The following COPS8 variants were observed in gnomAD, a reference collection of about 807,000 sequenced individuals.
The protein encoded by COPS8 is COP9 signalosome complex subunit 8.
COPS8 carries 11 observed loss-of-function variants against 31.5 expected under a neutral mutation model. The ratio of observed to expected loss-of-function variants is 0.35; its 90% CI spans 0.22 to 0.58. The LOEUF (loss-of-function observed/expected upper bound fraction) is 0.58. COPS8 is among the 20% of genes least tolerant of loss of function. The pLI is 0.83. For synonymous variants in COPS8, 81 were observed against 89.3 expected (o/e 0.91, Z 0.52); for missense variants, 215 against 255.1 (o/e 0.84, Z 1.07).
intron 1 of COPS8, 41 bp downstream of exon 1, chr2:237,086,083 C>T (rs1382932913): frequency 1.3e-6 from 2 of 1,565,956 alleles, no homozygotes; most frequent in African/African-American, 1.4e-5. Flanking sequence ...GCGGAGTAGT[C>T]TTAGGCCCTG....
chr2:237,086,735 G>C (rs957620610), intron 1 of COPS8: 2 of 965,460 alleles, frequency 2.1e-6, no homozygotes, highest in Non-Finnish European at 2.5e-6. Context: ...TATTCAGGAC[G>C]CTTGATGTAA....
At chr2:237,093,030 A>G (rs1275951967) in intron 4 of COPS8, among the ~76,000 whole-genome samples, 2 of 152,200 alleles carry the variant, frequency 1.3e-5, no homozygotes, top group Non-Finnish European at 2.9e-5. Context: ...GTTGCTTGTT[A>G]AAGTAGAAGT....
intron 2 of COPS8, among the ~76,000 whole-genome samples, chr2:237,088,240 C>T (rs1231544174): frequency 2.0e-5 from 3 of 152,140 alleles, no homozygotes; most frequent in African/African-American, 4.8e-5. Flanking sequence ...GGCTTATTGT[C>T]AGGGAATGCT....
intron 3 of COPS8, 60 bp downstream of exon 3, chr2:237,088,713 A>C (rs1478535621): frequency 7.4e-6 from 8 of 1,077,112 alleles, no homozygotes; most frequent in South Asian, 1.4e-5. Context: ...TTAAATGGCA[A>C]CCTTTTATAA....
At chr2:237,092,614 A>G (rs879518915) in intron 4 of COPS8, among the ~76,000 whole-genome samples, 1 of 152,044 alleles carries the variant, frequency 6.6e-6, no homozygotes, top group Non-Finnish European at 1.5e-5. Context: ...TTTCCATTGA[A>G]TGTATGCAGC....
At chr2:237,087,221 A>G (rs1696633873) in intron 2 of COPS8, 24 bp downstream of exon 2, 1 of 1,539,042 alleles carries the variant, frequency 6.5e-7, no homozygotes, top group South Asian at 1.2e-5. Context: ...ACCTAAAGCT[A>G]AGAGCAACAG....
intron 2 of COPS8, chr2:237,087,522 GA>G: frequency 6.3e-6 from 2 of 316,816 alleles, no homozygotes; most frequent in Non-Finnish European, 1.3e-5. Flanking sequence ...CAAAAGAAGT[GA>G]AAAGAGAAGA....
intron 1 of COPS8, chr2:237,086,681 A>C (rs1020743169): frequency 4.6e-6 from 2 of 435,282 alleles, no homozygotes; most frequent in Non-Finnish European, 6.1e-6. Flanking sequence ...GTTAAAATGG[A>C]AAGAATTGTC....
chr2:237,086,842 A>T (rs887503963), intron 1 of COPS8: 1 of 477,448 alleles, frequency 2.1e-6, no homozygotes, highest in Admixed American at 5.1e-5. Context: ...AAGGGGATCC[A>T]CTTACATATT....
At position 237,096,887 on chromosome 2, in the gene COPS8, C is replaced by T; in HGVS notation, c.550+18C>T. 3.8e-6 allele frequency: 6 copies of T among 1,567,166 alleles called. No individual in the cohort carries two copies. Among genetic ancestry groups the T allele is most frequent in the Non-Finnish European group, 5.3e-6 (6 of 1,141,574 alleles). Reference sequence around the variant, plus strand: ...CTTATCAGGTATGTATTTTCATATGCACATTTTTTAATGTCTCATTGTTCC... The same window carrying T: ...CTTATCAGGTATGTATTTTCATATGTACATTTTTTAATGTCTCATTGTTCC... On this transcript the variant is annotated intron_variant, in intron 7 of 7. Coordinates refer to ENST00000354371, the MANE Select transcript of COPS8 (RefSeq NM_006710.5).
At chr2:237,088,828 G>T (rs910903830) in intron 3 of COPS8, among the ~76,000 whole-genome samples, 175 bp downstream of exon 3, 1 of 152,142 alleles carries the variant, frequency 6.6e-6, no homozygotes, top group African/African-American at 2.4e-5. Context: ...ATTTTGCTGG[G>T]ATGGTGTAGA....
intron 4 of COPS8, chr2:237,093,840 A>T: frequency 8.8e-7 from 1 of 1,134,520 alleles, no homozygotes; most frequent in Non-Finnish European, 1.1e-6. Flanking sequence ...ACCTTTTTCC[A>T]TCTTTGTAAT....
At chr2:237,087,640 C>G (rs1286670273) in intron 2 of COPS8, 1 of 227,680 alleles carries the variant, frequency 4.4e-6, no homozygotes, top group South Asian at 5.1e-5. Context: ...GAAAGCATAA[C>G]TACTCTAGGC....
rs1398124954 is a variant in COPS8, at chr2:237,098,912, A to G, written c.*1170A>G. 6.6e-6 allele frequency: 1 copy of G among 152,146 alleles called. No individual in the cohort carries two copies. 9.4% of individuals were successfully genotyped at this position (152,146 alleles called of 1,614,324 possible). A position where few individuals can be genotyped will look rare whatever the true frequency, so the allele number is the denominator to read the frequency against. On this transcript the variant is annotated 3_prime_UTR_variant, in exon 8 of 8. Transcript: ENST00000354371. ...GGAATACTTTTTGAATTGCAATTTTATTTAACCCGGATAGGTAAGTCATAT... is the reference window on the plus strand; with the variant it reads ...GGAATACTTTTTGAATTGCAATTTTGTTTAACCCGGATAGGTAAGTCATAT...
intron 2 of COPS8, chr2:237,087,652 G>A (rs541585208): frequency 1.1e-3 from 227 of 209,802 alleles, no homozygotes; most frequent in Non-Finnish European, 1.3e-3. Context: ...ACTCTAGGCC[G>A]GGCGCCGTGG....
intron 2 of COPS8, among the ~76,000 whole-genome samples, chr2:237,087,821 A>G (rs954459030): frequency 6.6e-6 from 1 of 152,060 alleles, no homozygotes; most frequent in Non-Finnish European, 1.5e-5. Flanking sequence ...AATCCCAGCT[A>G]CCTGGGAGGC....
At chr2:237,093,631 T>G in intron 4 of COPS8, 1 of 927,942 alleles carries the variant, frequency 1.1e-6, no homozygotes, top group Non-Finnish European at 1.3e-6. Flanking sequence ...GGAAGAATGC[T>G]CCAGTTACAA....
At chr2:237,093,759 A>G in intron 4 of COPS8, 2 of 999,166 alleles carry the variant, frequency 2.0e-6, no homozygotes, top group South Asian at 4.6e-5. Flanking sequence ...ATGAAATAAG[A>G]TAAGTAAAAT....
chr2:237,097,939 A>C lies in COPS8; in HGVS notation c.*197A>C, dbSNP rs1243321040. On this transcript the variant is annotated 3_prime_UTR_variant, in exon 8 of 8. Transcript: ENST00000354371. ...CGTTATGCTGAATAGTTGTTGAAAC[A>C]GTTCTCATTTTGTAGTATTTAATAA... The C allele has an allele frequency of 1.3e-5, 6 of 453,164 alleles. No individual in the cohort carries two copies. The highest frequency in any genetic ancestry group is 1.2e-4 in the African/African-American group (6 of 50,256). 28.1% of individuals were successfully genotyped at this position (453,164 alleles called of 1,614,324 possible). A position where few individuals can be genotyped will look rare whatever the true frequency, so the allele number is the denominator to read the frequency against.
Sources: allele counts gnomAD v4.1 joint callset (sites outside exome capture counted in the v4.1 genomes callset), GRCh38; gene constraint gnomAD v4.1.1; transcripts MANE v1.5; gene names NCBI Gene and HGNC (gene_info 2026-07-23, HGNC 2026-07-21).